Variants in SCHIP1 observed in about 807,000 individuals in gnomAD.
The protein encoded by SCHIP1 is schwannomin interacting protein 1.
Under a neutral mutation model 29.7 loss-of-function variants are expected in SCHIP1, and 8 were observed. That is an observed-to-expected ratio of 0.27 (90% confidence interval 0.16 to 0.49). The LOEUF is 0.49. Among genes scored for constraint, SCHIP1 ranks in the 20% least tolerant of loss-of-function variants. The probability of loss-of-function intolerance (pLI) is 0.99; values close to 1 mark genes in which losing one functional copy is unlikely to be tolerated. For missense variants in SCHIP1, 193 were observed against 294.6 expected (o/e 0.66, Z 2.52); for synonymous variants, 76 against 94.9 (o/e 0.80, Z 1.16).
chr3:159,664,294 G>A, the SCHIP1 span, among the ~76,000 whole-genome samples: 1 of 152,272 alleles, frequency 6.6e-6, no homozygotes, highest in Admixed American at 6.5e-5. Context: ...TATTTACACT[G>A]ATATATACTC....
chr3:159,884,676 C>T (rs1319790417), intron 2 of SCHIP1, among the ~76,000 whole-genome samples: 1 of 152,152 alleles, frequency 6.6e-6, no homozygotes, highest in Non-Finnish European at 1.5e-5. Flanking sequence ...CTATTTTAAT[C>T]CTTCCTGCAT....
At chr3:159,396,350 T>G in the SCHIP1 span, among the ~76,000 whole-genome samples, 1 of 149,260 alleles carries the variant, frequency 6.7e-6, no homozygotes, top group African/African-American at 2.5e-5. Flanking sequence ...TGTGTGAATT[T>G]GATCCTGTCA....
At chr3:159,810,964 A>G in the SCHIP1 span, among the ~76,000 whole-genome samples, 1 of 152,204 alleles carries the variant, frequency 6.6e-6, no homozygotes, top group African/African-American at 2.4e-5. Context: ...TTCTTATCAA[A>G]AATTATTTTG....
At chr3:159,278,700 T>A in the SCHIP1 span, among the ~76,000 whole-genome samples, 5 of 152,176 alleles carry the variant, frequency 3.3e-5, no homozygotes, top group Non-Finnish European at 7.4e-5. Flanking sequence ...CAATATCAAG[T>A]CAGCATAGAT....
chr3:159,406,909 A>G, the SCHIP1 span, among the ~76,000 whole-genome samples: 1 of 152,196 alleles, frequency 6.6e-6, no homozygotes, highest in Admixed American at 6.5e-5. Flanking sequence ...AGAGGTAAAA[A>G]TCAAGAAATT....
the SCHIP1 span, among the ~76,000 whole-genome samples, chr3:159,576,537 T>G: frequency 2.0e-5 from 3 of 152,244 alleles, no homozygotes; most frequent in East Asian, 1.9e-4. Context: ...TAGTCATTTA[T>G]TAATTCTGCA....
chr3:159,283,395 C>T, the SCHIP1 span, among the ~76,000 whole-genome samples: 6 of 152,164 alleles, frequency 3.9e-5, no homozygotes, highest in East Asian at 1.9e-4. Flanking sequence ...TCAGGTGATC[C>T]GCCGCCCGCC....
the SCHIP1 span, among the ~76,000 whole-genome samples, chr3:159,382,418 C>T: frequency 6.6e-6 from 1 of 151,046 alleles, no homozygotes; most frequent in Non-Finnish European, 1.5e-5. Context: ...TCATCCATGT[C>T]CTTACAAAGG....
the SCHIP1 span, among the ~76,000 whole-genome samples, chr3:159,562,536 G>A: frequency 1.3e-5 from 2 of 152,138 alleles, no homozygotes; most frequent in Admixed American, 1.3e-4. Flanking sequence ...TTGACACTAC[G>A]CCTTCTGGTT....
chr3:159,571,693 A>G, the SCHIP1 span, among the ~76,000 whole-genome samples: 2 of 152,166 alleles, frequency 1.3e-5, no homozygotes, highest in Non-Finnish European at 2.9e-5. Context: ...ATAGTTTCAG[A>G]AGGAATGGTA....
the SCHIP1 span, chr3:159,309,146 T>TAAA: frequency 9.4e-6 from 2 of 211,768 alleles, no homozygotes; most frequent in Non-Finnish European, 8.1e-6. Context: ...AAGTTAAAAT[T>TAAA]AAAAAAAAAC....
chr3:159,749,987 T>C, the SCHIP1 span, among the ~76,000 whole-genome samples: 325 of 152,164 alleles, frequency 2.1e-3, no homozygotes, highest in Middle Eastern at 6.8e-3. Context: ...CTAGTACTAG[T>C]AATACTAGCA....
chr3:159,287,278 C>A, the SCHIP1 span, among the ~76,000 whole-genome samples: 37 of 151,624 alleles, frequency 2.4e-4, 1 homozygote, highest in African/African-American at 8.4e-4. Context: ...ATTGTTTATA[C>A]TATACTTTTT....
chr3:159,841,511 T>C (rs1486309140), intron 1 of SCHIP1, among the ~76,000 whole-genome samples: 1 of 152,208 alleles, frequency 6.6e-6, no homozygotes, highest in East Asian at 1.9e-4. Context: ...AATCTACACA[T>C]GGCATGGCTC....
chr3:159,313,949 C>A, the SCHIP1 span, among the ~76,000 whole-genome samples: 5 of 152,158 alleles, frequency 3.3e-5, no homozygotes, highest in Admixed American at 2.0e-4. Flanking sequence ...GAGAATACCA[C>A]AGAGGTAAAG....
the SCHIP1 span, among the ~76,000 whole-genome samples, chr3:159,285,040 G>A: frequency 1.3e-5 from 2 of 151,826 alleles, no homozygotes; most frequent in Non-Finnish European, 2.9e-5. Flanking sequence ...TTTGTTTAAT[G>A]ACAATTCTAA....
chr3:159,791,312 C>T, the SCHIP1 span, among the ~76,000 whole-genome samples: 2 of 152,108 alleles, frequency 1.3e-5, no homozygotes, highest in Non-Finnish European at 2.9e-5. Flanking sequence ...TGAAAAAAAA[C>T]ACAGAAAGAG....
chr3:159,699,667 G>C, the SCHIP1 span, among the ~76,000 whole-genome samples: 1 of 152,200 alleles, frequency 6.6e-6, no homozygotes, highest in African/African-American at 2.4e-5. Context: ...GAGAATCTTA[G>C]CTTCTTAGTA....
the SCHIP1 span, among the ~76,000 whole-genome samples, chr3:159,503,900 G>A: frequency 6.6e-6 from 1 of 152,104 alleles, no homozygotes; most frequent in African/African-American, 2.4e-5. Context: ...TACATTTAAG[G>A]AACTCAGAGT....
Sources: gnomAD v4.1 joint callset for allele counts (sites outside exome capture counted in the v4.1 genomes callset) on GRCh38, gnomAD v4.1.1 for gene constraint, MANE v1.5 for transcripts, NCBI Gene and HGNC (gene_info 2026-07-23, HGNC 2026-07-21) for gene names.